The following SGCZ variants were observed in gnomAD, a reference collection of about 807,000 sequenced individuals.
SGCZ encodes sarcoglycan zeta.
SGCZ carries 40 observed loss-of-function variants against 41.3 expected under a neutral mutation model. The ratio of observed to expected loss-of-function variants is 0.97; its 90% CI spans 0.75 to 1.26. SGCZ has a LOEUF of 1.26. Among genes scored for constraint, SGCZ ranks in the 50% most tolerant of loss-of-function variants. The pLI is 0.00. For missense variants in SGCZ, 552 were observed against 369.8 expected (o/e 1.49, Z -4.04); for synonymous variants, 206 against 137.5 (o/e 1.50, Z -3.49).
At chr8:14,276,725 T>G (rs1383465463) in intron 3 of SGCZ, among the ~76,000 whole-genome samples, 1 of 152,160 alleles carries the variant, frequency 6.6e-6, no homozygotes, top group African/African-American at 2.4e-5. Flanking sequence ...ATTTGATGAT[T>G]TAATTCTACG....
intron 1 of SGCZ, chr8:14,853,606 T>G (rs1034302206): frequency 2.4e-6 from 1 of 408,616 alleles, no homozygotes; most frequent in African/African-American, 2.0e-5. Context: ...GTCACTGAAG[T>G]GGTTTGCTTT....
intron 1 of SGCZ, among the ~76,000 whole-genome samples, chr8:15,158,166 CAA>C: frequency 6.8e-6 from 1 of 147,144 alleles, no homozygotes; most frequent in African/African-American, 2.5e-5. Context: ...TAGTTTGCCA[CAA>C]AAAAAAAAAT....
intron 1 of SGCZ, among the ~76,000 whole-genome samples, chr8:14,876,862 T>C (rs1282834069): frequency 2.0e-5 from 3 of 152,186 alleles, no homozygotes; most frequent in African/African-American, 7.2e-5. Flanking sequence ...CACCTCTCTG[T>C]TTAGAGGTCC....
intron 1 of SGCZ, among the ~76,000 whole-genome samples, chr8:15,140,709 G>A (rs1433456478): frequency 1.3e-5 from 2 of 151,822 alleles, no homozygotes; most frequent in Non-Finnish European, 2.9e-5. Context: ...TGTCTCTATA[G>A]GCGATTCAGA....
chr8:15,209,727 G>A (rs556855776), intron 1 of SGCZ, among the ~76,000 whole-genome samples: 6 of 151,650 alleles, frequency 4.0e-5, no homozygotes, highest in African/African-American at 7.3e-5. Flanking sequence ...TTGTCTTATC[G>A]TTGACCACCA....
At chr8:14,217,446 G>C (rs1251192714) in intron 4 of SGCZ, among the ~76,000 whole-genome samples, 1 of 151,854 alleles carries the variant, frequency 6.6e-6, no homozygotes, top group Admixed American at 6.6e-5. Flanking sequence ...TTACATAAGA[G>C]ATGACATTGT....
chr8:14,681,624 C>T (rs80329253), intron 1 of SGCZ, among the ~76,000 whole-genome samples: 27 of 152,210 alleles, frequency 1.8e-4, no homozygotes, highest in African/African-American at 5.8e-4. Context: ...AAAGTACATA[C>T]GCATAATCCT....
Position 15,126,038 on chromosome 8 carries a change from C to T in SGCZ, c.39+111547G>A, listed in dbSNP as rs954116145. On this transcript the variant is annotated intron_variant, in intron 1 of 7. Transcript: ENST00000382080. Reference sequence around the variant, plus strand: ...GTGCGCACCTGTACTCCCAGCTACTCGGGAGGCCAAGGCAGGAAAATTGCT... The same window carrying T: ...GTGCGCACCTGTACTCCCAGCTACTTGGGAGGCCAAGGCAGGAAAATTGCT... Among the ~76,000 whole-genome samples the T allele has an allele frequency of 1.8e-4, 28 of 152,194 alleles. 1 individual carries two copies. Among genetic ancestry groups the T allele is most frequent in the African/African-American group, 3.6e-4 (15 of 41,530 alleles).
intron 1 of SGCZ, among the ~76,000 whole-genome samples, chr8:14,984,046 G>A (rs890524113): frequency 9.2e-5 from 14 of 152,078 alleles, no homozygotes; most frequent in South Asian, 4.1e-4. Flanking sequence ...TTAGCTGAAT[G>A]GCAGTGATTC....
At chr8:14,516,779 T>C (rs1165419848) in intron 2 of SGCZ, among the ~76,000 whole-genome samples, 1 of 152,120 alleles carries the variant, frequency 6.6e-6, no homozygotes. Flanking sequence ...CTATTAAATC[T>C]GTGCCATCCA....
intron 4 of SGCZ, among the ~76,000 whole-genome samples, chr8:14,184,303 T>C (rs1318491258): frequency 1.3e-5 from 2 of 152,156 alleles, no homozygotes; most frequent in Non-Finnish European, 2.9e-5. Flanking sequence ...ATAGCATCTT[T>C]ATAACTCATA....
At chr8:14,646,482 C>A (rs1336286553) in intron 1 of SGCZ, among the ~76,000 whole-genome samples, 1 of 151,938 alleles carries the variant, frequency 6.6e-6, no homozygotes, top group East Asian at 1.9e-4. Flanking sequence ...TAGGTTGAGT[C>A]CGTGTTTTCC....
In SGCZ at chr8:14,766,546, A is replaced by G. The variant is rs150393790; in HGVS notation, c.40-211620T>C. 3.2e-4 allele frequency among the ~76,000 whole-genome samples: 48 copies of G among 151,954 alleles called. 1 individual carries two copies. The East Asian group carries it at 6.4e-3, about 20-fold the overall frequency. ...TAATACTTAATCCATTTTTAGTTTT[A>G]TTACTTTTAAAAATATATATATTTT... On this transcript the variant is annotated intron_variant, in intron 1 of 7. Transcript: ENST00000382080.
intron 1 of SGCZ, among the ~76,000 whole-genome samples, chr8:14,901,447 G>A (rs572100940): frequency 1.2e-4 from 18 of 152,212 alleles, no homozygotes; most frequent in South Asian, 2.1e-4. Context: ...AAACGTAGGC[G>A]TATACGTTTT....
At chr8:14,660,442 G>T (rs1466193056) in intron 1 of SGCZ, among the ~76,000 whole-genome samples, 2 of 151,530 alleles carry the variant, frequency 1.3e-5, no homozygotes, top group African/African-American at 4.8e-5. Flanking sequence ...CGTGGTGGTG[G>T]GCACCTGTAA....
chr8:14,276,985 C>A (rs1338950078), intron 3 of SGCZ, among the ~76,000 whole-genome samples: 1 of 152,168 alleles, frequency 6.6e-6, no homozygotes, highest in Non-Finnish European at 1.5e-5. Flanking sequence ...CCCCTATGCT[C>A]AGACCTGCTC....
At chr8:14,938,302 C>T (rs369632559) in intron 1 of SGCZ, among the ~76,000 whole-genome samples, 8 of 152,084 alleles carry the variant, frequency 5.3e-5, no homozygotes, top group South Asian at 2.1e-4. Context: ...AACATACTTT[C>T]GAACTGTGCT....
At chr8:15,087,138 A>C (rs1482475777) in intron 1 of SGCZ, among the ~76,000 whole-genome samples, 2 of 152,104 alleles carry the variant, frequency 1.3e-5, no homozygotes, top group Non-Finnish European at 2.9e-5. Flanking sequence ...GAAGATAATA[A>C]AACCTACTGT....
chr8:15,219,536 C>T (rs113396088), intron 1 of SGCZ, among the ~76,000 whole-genome samples: 91 of 152,310 alleles, frequency 6.0e-4, no homozygotes, highest in African/African-American at 2.0e-3. Context: ...ATGGGAATTT[C>T]ATCCCAGACT....
Sources: allele counts gnomAD v4.1 joint callset (sites outside exome capture counted in the v4.1 genomes callset), GRCh38; gene constraint gnomAD v4.1.1; transcripts MANE v1.5; gene names NCBI Gene and HGNC (gene_info 2026-07-23, HGNC 2026-07-21).